Variants in TOR1AIP1 observed in about 807,000 individuals in gnomAD.
The protein encoded by TOR1AIP1 is torsin 1A interacting protein 1.
Under a neutral mutation model 63.3 loss-of-function variants are expected in TOR1AIP1, and 54 were observed. The ratio of observed to expected loss-of-function variants is 0.85; its 90% CI spans 0.69 to 1.07. TOR1AIP1 has a LOEUF of 1.07. Among genes scored for constraint, TOR1AIP1 ranks in the 50% least tolerant of loss-of-function variants. TOR1AIP1 has a pLI of 0.00. For missense variants in TOR1AIP1, 736 were observed against 715.0 expected, an observed-to-expected ratio of 1.03 and a Z score of -0.33; for synonymous variants, 294 against 273.5, an observed-to-expected ratio of 1.07 and a Z score of -0.74.
At chr1:179,898,663 G>A (rs1571728977) in intron 3 of TOR1AIP1, among the ~76,000 whole-genome samples, 1 of 151,976 alleles carries the variant, frequency 6.6e-6, no homozygotes, top group Non-Finnish European at 1.5e-5. Flanking sequence ...GGAGATGGGA[G>A]GATTGCTTGA....
chr1:179,905,631 G>A (rs552065779), intron 6 of TOR1AIP1, among the ~76,000 whole-genome samples: 39 of 152,034 alleles, frequency 2.6e-4, no homozygotes, highest in African/African-American at 8.0e-4. Flanking sequence ...GTATCTACCC[G>A]TATAAATGAT....
chr1:179,899,496 TA>T (rs957685939), intron 3 of TOR1AIP1, among the ~76,000 whole-genome samples: 4 of 152,128 alleles, frequency 2.6e-5, no homozygotes, highest in African/African-American at 9.7e-5. Context: ...AAAGGGAGTA[TA>T]GGGGATTTGG....
Position 179,882,462 on chromosome 1 carries a change from T to C in TOR1AIP1, c.-41T>C, listed in dbSNP as rs1238752627. 18 of 1,410,304 alleles carry C rather than the reference T, an allele frequency of 1.3e-5. No individual in the cohort carries two copies. Among genetic ancestry groups the C allele is most frequent in the Non-Finnish European group, 1.7e-5 (18 of 1,080,062 alleles). The allele number at this position is 1,410,304 out of a possible 1,614,324, so 87.4% of individuals were successfully genotyped here. The stretch of plus-strand genomic sequence containing the variant: ...CACCGGCAGGAGAACCTAGGGTCCA[T>C]AAAGCCATCTTCGCGATCGACTAAA... On this transcript the variant is annotated 5_prime_UTR_variant, in exon 1 of 10. Transcript: ENST00000606911.
rs768583219 is a variant in TOR1AIP1 at position 179,917,523 on chromosome 1, G to A, written c.1036G>A (p.Ala346Thr). The A allele has an allele frequency of 6.2e-7, 1 of 1,614,040 alleles. No homozygotes were observed. The highest frequency in any genetic ancestry group is 8.5e-7 in the Non-Finnish European group (1 of 1,180,014). ...NRWWLLPLIAALASGSFWFFS... is the reference protein window; with the variant it reads ...NRWWLLPLIATLASGSFWFFS... ...GTGGTGGCTACTTCCTCTGATAGCTGCTCTTGCCTCTGGGAGTTTTTGGTT... is the reference window on the plus strand; with the variant it reads ...GTGGTGGCTACTTCCTCTGATAGCTACTCTTGCCTCTGGGAGTTTTTGGTT... The change falls in exon 10 of 10, where the codon GCT (alanine) becomes ACT (threonine). Residue 346 changes from alanine to threonine, a missense_variant. Transcript: ENST00000606911.
Position 179,882,754 on chromosome 1 carries a change from A to T in TOR1AIP1, c.252A>T (p.Arg84=), listed in dbSNP as rs140133465. 13 of 1,614,032 alleles carry T rather than the reference A, an allele frequency of 8.1e-6. No individual in the cohort carries two copies. The highest frequency in any genetic ancestry group is 1.0e-5 in the Non-Finnish European group (12 of 1,180,008). Residue 84 remains arginine, a synonymous_variant, in exon 1 of 10, where the codon CGA becomes CGT. Transcript: ENST00000606911. ...AAGAAAGGTCCCCGGTGGGAAAACG[A>T]ACCCGGCTAGAAGAGTTCCGGTCCG... ...VAKERSPVGK[R]TRLEEFRSDS... is the part of the protein sequence containing the mutation.
intron 1 of TOR1AIP1, among the ~76,000 whole-genome samples, chr1:179,883,407 G>A (rs1160110338): frequency 2.6e-5 from 4 of 152,184 alleles, no homozygotes; most frequent in Non-Finnish European, 5.9e-5. Context: ...CCCAGCTGAG[G>A]ATCTAACCTT....
chr1:179,897,110 A>T (rs1348011969), intron 3 of TOR1AIP1, among the ~76,000 whole-genome samples: 1 of 152,194 alleles, frequency 6.6e-6, no homozygotes, highest in Non-Finnish European at 1.5e-5. Flanking sequence ...TTTGAATACT[A>T]TTGATAAATA....
At chr1:179,883,696 T>G (rs1647818233) in intron 1 of TOR1AIP1, 2 of 456,056 alleles carry the variant, frequency 4.4e-6, no homozygotes, top group African/African-American at 2.0e-5. Flanking sequence ...ACTGACAAAG[T>G]AACCTGAAAA....
rs778308061 is a variant in TOR1AIP1, at chr1:179,882,633, C to T, written c.131C>T (p.Ala44Val). 24 of 1,544,686 alleles carry T rather than the reference C, an allele frequency of 1.6e-5. No homozygotes were observed. The highest frequency in any genetic ancestry group is 2.1e-5 in the Non-Finnish European group (24 of 1,148,286). ...AATGGCGGCAGCAGCGATGCGCCTG[C>T]GTACAGAACTCCTCCGTCGCGCCAG... ...PQNGGSSDAPAYRTPPSRQGR... is the reference protein window; with the variant it reads ...PQNGGSSDAPVYRTPPSRQGR... Residue 44 changes from alanine to valine, a missense_variant, in exon 1 of 10, where the codon GCG (alanine) becomes GTG (valine). Physicochemically the swap from Ala to Val is moderately conservative, Grantham distance 64 (BLOSUM62 0). This residue lies in a region of TOR1AIP1 where 464 missense variants were observed against 371.0 expected (regional missense o/e 1.25). Coordinates refer to ENST00000606911, the MANE Select transcript of TOR1AIP1 (RefSeq NM_015602.4).
intron 2 of TOR1AIP1, among the ~76,000 whole-genome samples, chr1:179,886,704 A>C (rs1165479206): frequency 6.6e-6 from 1 of 152,234 alleles, no homozygotes; most frequent in Non-Finnish European, 1.5e-5. Context: ...TGGAATCTGC[A>C]CATAGATTAC....
chr1:179,902,300 A>G (rs1221669392), intron 5 of TOR1AIP1, among the ~76,000 whole-genome samples: 1 of 152,102 alleles, frequency 6.6e-6, no homozygotes, highest in African/African-American at 2.4e-5. Flanking sequence ...TGCTGAGATT[A>G]CAGGCCTGAG....
intron 3 of TOR1AIP1, among the ~76,000 whole-genome samples, chr1:179,894,242 C>G (rs1309754872): frequency 6.8e-6 from 1 of 147,304 alleles, no homozygotes; most frequent in East Asian, 2.0e-4. Context: ...CAGAGCGAGA[C>G]TCTGTCTCAA....
At chr1:179,907,696 TGAGA>T (rs1199339339) in intron 6 of TOR1AIP1, 123 bp from the exon 7 acceptor site, 5 of 415,818 alleles carry the variant, frequency 1.2e-5, no homozygotes, top group South Asian at 4.5e-5. Context: ...TTGGAATTGA[TGAGA>T]GAATGTTTTT....
chr1:179,890,234 A>C (rs139713132), intron 3 of TOR1AIP1, among the ~76,000 whole-genome samples: 1 of 152,176 alleles, frequency 6.6e-6, no homozygotes, highest in Admixed American at 6.5e-5. Flanking sequence ...TTTCATGACT[A>C]TGAAGAAAAC....
intron 8 of TOR1AIP1, among the ~76,000 whole-genome samples, chr1:179,912,616 G>A (rs1452398041): frequency 6.6e-6 from 1 of 152,030 alleles, no homozygotes; most frequent in Non-Finnish European, 1.5e-5. Context: ...ATTATCTGAT[G>A]GATTTGGGTT....
intron 9 of TOR1AIP1, among the ~76,000 whole-genome samples, chr1:179,914,526 T>C (rs1278546122): frequency 1.3e-5 from 2 of 152,224 alleles, no homozygotes; most frequent in Non-Finnish European, 2.9e-5. Flanking sequence ...CTGAGCGTGG[T>C]GGCTCATGCC....
At chr1:179,908,796 C>A in intron 8 of TOR1AIP1, 123 bp downstream of exon 8, 1 of 754,490 alleles carries the variant, frequency 1.3e-6, no homozygotes, top group Non-Finnish European at 2.2e-6. Context: ...TAAAGTACAG[C>A]TATGATTACT....
At chr1:179,907,894 A>G (rs1465892238) in intron 7 of TOR1AIP1, 30 bp downstream of exon 7, 2 of 1,283,774 alleles carry the variant, frequency 1.6e-6, no homozygotes, top group African/African-American at 1.5e-5. Flanking sequence ...CTCTTTTTTC[A>G]GCCAATCAAT....
intron 9 of TOR1AIP1, 150 bp from the exon 10 acceptor site, chr1:179,917,302 A>G: frequency 1.4e-6 from 1 of 701,684 alleles, no homozygotes; most frequent in Non-Finnish European, 2.3e-6. Flanking sequence ...GTGATAAATT[A>G]TTTTATTAAG....
Sources: allele counts gnomAD v4.1 joint callset (sites outside exome capture counted in the v4.1 genomes callset), GRCh38; gene constraint gnomAD v4.1.1; regional missense constraint gnomAD v4.1.1; transcripts MANE v1.5; gene names NCBI Gene and HGNC (gene_info 2026-07-23, HGNC 2026-07-21).